The following PLCB4 variants were observed in gnomAD, a reference collection of about 807,000 sequenced individuals.
PLCB4 encodes 1-phosphatidylinositol 4,5-bisphosphate phosphodiesterase beta-4.
A neutral mutation model predicts 178.8 loss-of-function variants in PLCB4; 77 were observed. The ratio of observed to expected loss-of-function variants is 0.43; its 90% confidence interval spans 0.36 to 0.52. PLCB4 has a LOEUF of 0.52. PLCB4 is among the 20% of genes least tolerant of loss of function. PLCB4 has a pLI of 0.00. For missense variants in PLCB4, 1,024 were observed against 1,453.4 expected, an observed-to-expected ratio of 0.70 and a Z score of 4.80; for synonymous variants, 496 against 490.8, an observed-to-expected ratio of 1.01 and a Z score of -0.14.
chr20:9,252,280 A>C (rs1431864179), intron 3 of PLCB4, among the ~76,000 whole-genome samples: 1 of 152,194 alleles, frequency 6.6e-6, no homozygotes, highest in Non-Finnish European at 1.5e-5. Context: ...CACTACTCAA[A>C]GTGTGGTCCA....
chr20:9,446,875 C>G (rs917498653), intron 32 of PLCB4, among the ~76,000 whole-genome samples: 1 of 152,178 alleles, frequency 6.6e-6, no homozygotes, highest in African/African-American at 2.4e-5. Context: ...GAGCAAGACT[C>G]TGTCTCAAAA....
intron 3 of PLCB4, among the ~76,000 whole-genome samples, chr20:9,244,587 TA>T (rs889585005): frequency 6.6e-6 from 1 of 152,224 alleles, no homozygotes; most frequent in Non-Finnish European, 1.5e-5. Flanking sequence ...TGTCAAATGA[TA>T]AATCCCAATC....
chr20:9,187,579 G>A (rs1371331760), intron 2 of PLCB4, among the ~76,000 whole-genome samples: 1 of 152,172 alleles, frequency 6.6e-6, no homozygotes, highest in Non-Finnish European at 1.5e-5. Flanking sequence ...GGTTCAGTAA[G>A]TATTTCATAG....
intron 32 of PLCB4, among the ~76,000 whole-genome samples, chr20:9,449,566 C>T (rs1310341834): frequency 6.6e-6 from 1 of 152,050 alleles, no homozygotes; most frequent in East Asian, 1.9e-4. Flanking sequence ...TTACTATCGG[C>T]GTCTAATTCA....
intron 3 of PLCB4, chr20:9,280,350 T>A (rs2094483985): frequency 2.0e-6 from 1 of 499,104 alleles, no homozygotes; most frequent in Non-Finnish European, 2.6e-6. Context: ...AAACACTGGC[T>A]CTTCACATTG....
At chr20:9,336,416 G>A (rs1271552698) in intron 4 of PLCB4, among the ~76,000 whole-genome samples, 2 of 152,116 alleles carry the variant, frequency 1.3e-5, no homozygotes, top group African/African-American at 4.8e-5. Context: ...ACGTCATTCT[G>A]TAGCTTTCCC....
intron 3 of PLCB4, among the ~76,000 whole-genome samples, chr20:9,244,110 AGGTGTT>A (rs2094098387): frequency 6.6e-6 from 1 of 152,020 alleles, no homozygotes; most frequent in African/African-American, 2.4e-5. Context: ...CCTAATCTTG[AGGTGTT>A]GGTTAAGCTT....
chr20:9,387,494 G>A lies in PLCB4; in HGVS notation c.1096G>A (p.Gly366Ser). ...TGAACTTGACTGCTGGGATGGAAAA[G>A]GTGAAGACCAAGAACCAATAATAAC... ...CVELDCWDGK[G>S]EDQEPIITHG... The change falls in exon 15 of 40, where the codon GGT becomes AGT. Residue 366 changes from glycine to serine, a missense_variant. Physicochemically the swap from Gly to Ser is moderately conservative, Grantham distance 56. Transcript: ENST00000378473. The A allele has an allele frequency of 6.3e-7, 1 of 1,598,738 alleles. No individual in the cohort carries two copies. Among genetic ancestry groups the A allele is most frequent in the South Asian group, 1.1e-5 (1 of 89,238 alleles).
intron 1 of PLCB4, among the ~76,000 whole-genome samples, chr20:9,076,705 G>C (rs949969441): frequency 1.3e-5 from 2 of 152,100 alleles, no homozygotes; most frequent in East Asian, 3.9e-4. Context: ...TTTCCTTGTT[G>C]CTTTTAAATG....
At chr20:9,281,020 T>C (rs1002396125) in intron 3 of PLCB4, among the ~76,000 whole-genome samples, 1 of 152,012 alleles carries the variant, frequency 6.6e-6, no homozygotes, top group Non-Finnish European at 1.5e-5. Context: ...CTGAAATTAG[T>C]TTCCCATATT....
intron 2 of PLCB4, among the ~76,000 whole-genome samples, chr20:9,127,660 ATC>A (rs2092153951): frequency 6.6e-6 from 1 of 151,406 alleles, no homozygotes; most frequent in East Asian, 2.0e-4. Flanking sequence ...CTATCTATCT[ATC>A]TATCTATCTA....
chr20:9,359,933 A>G (rs1211055108), intron 7 of PLCB4, among the ~76,000 whole-genome samples: 1 of 152,188 alleles, frequency 6.6e-6, no homozygotes, highest in Non-Finnish European at 1.5e-5. Context: ...AAACCCCAAC[A>G]AGACAAAGAA....
chr20:9,321,948 T>TTTTC lies in PLCB4; in HGVS notation c.84+14054_84+14057dup, dbSNP rs1685531109. Among the ~76,000 whole-genome samples, 2 of 105,566 alleles carry TTTTC rather than the reference T, an allele frequency of 1.9e-5. 1 individual carries two copies. Among genetic ancestry groups the TTTTC allele is most frequent in the South Asian group, 5.1e-4 (2 of 3,960 alleles). The allele number at this position is 105,566 out of a possible 152,430, so 69.3% of individuals were successfully genotyped here. ...TATGCCTGGCCTTTCTTTTTTTTCTTTTTCTTTTTTTTTTTTTGATACAGG... is the reference window on the plus strand; with the variant it reads ...TATGCCTGGCCTTTCTTTTTTTTCTTTTTCTTTCTTTTTTTTTTTTTGATACAGG... On this transcript the variant is annotated intron_variant, in intron 4 of 39. Coordinates refer to ENST00000378473, the MANE Select transcript of PLCB4 (RefSeq NM_001377142.1).
intron 3 of PLCB4, among the ~76,000 whole-genome samples, chr20:9,278,293 T>C (rs140245227): frequency 2.0e-5 from 3 of 152,164 alleles, no homozygotes; most frequent in African/African-American, 7.2e-5. Flanking sequence ...CTAGTGTATT[T>C]CACGACAGTC....
At chr20:9,229,144 A>C (rs906886009) in intron 3 of PLCB4, among the ~76,000 whole-genome samples, 1 of 152,220 alleles carries the variant, frequency 6.6e-6, no homozygotes, top group Non-Finnish European at 1.5e-5. Flanking sequence ...GTGGTTCTTA[A>C]AGGTCATCCC....
At chr20:9,360,657 A>G (rs545634895) in intron 7 of PLCB4, among the ~76,000 whole-genome samples, 1 of 152,288 alleles carries the variant, frequency 6.6e-6, no homozygotes, top group Non-Finnish European at 1.5e-5. Flanking sequence ...AGGATATTTG[A>G]TAGTCTGCAG....
chr20:9,318,428 CA>C (rs1459741232), intron 4 of PLCB4, among the ~76,000 whole-genome samples: 2 of 150,578 alleles, frequency 1.3e-5, no homozygotes, highest in Admixed American at 1.3e-4. Context: ...GTGAGGCATG[CA>C]AAAAAAACCT....
At chr20:9,117,346 G>T (rs1219491114) in intron 2 of PLCB4, among the ~76,000 whole-genome samples, 1 of 152,092 alleles carries the variant, frequency 6.6e-6, no homozygotes, top group African/African-American at 2.4e-5. Context: ...GATATGTGTT[G>T]CCAAATTGCT....
rs779618835 is a variant in PLCB4, at chr20:9,307,804, T to C, written c.-11T>C. On this transcript the variant is annotated 5_prime_UTR_variant, in exon 4 of 40. Coordinates refer to ENST00000378473, the MANE Select transcript of PLCB4 (RefSeq NM_001377142.1). ...GCTATTCTTTTTCATTTTTAGGTCT[T>C]GAATATAATCATGGCCAAACCTTAT... 1 of 1,535,508 alleles carries C rather than the reference T, an allele frequency of 6.5e-7. No homozygotes were observed. Among genetic ancestry groups the C allele is most frequent in the South Asian group, 1.2e-5 (1 of 84,472 alleles).
Sources: allele counts gnomAD v4.1 joint callset (sites outside exome capture counted in the v4.1 genomes callset), GRCh38; gene constraint gnomAD v4.1.1; transcripts MANE v1.5; gene names NCBI Gene and HGNC (gene_info 2026-07-23, HGNC 2026-07-21).